The following CARS2 variants were observed in gnomAD, a reference collection of about 807,000 sequenced individuals.
CARS2 encodes the protein cysteinyl-tRNA synthetase 2, mitochondrial, also known as probable cysteine--tRNA ligase, mitochondrial.
Under a neutral mutation model 68.8 loss-of-function variants are expected in CARS2, and 52 were observed. That is an observed-to-expected ratio of 0.76 (90% confidence interval 0.61 to 0.95). The LOEUF (loss-of-function observed/expected upper bound fraction) is 0.95. Among genes scored for constraint, CARS2 ranks in the 40% least tolerant of loss-of-function variants. CARS2 has a pLI of 0.00. For synonymous variants in CARS2, 314 were observed against 303.6 expected (o/e 1.03, Z -0.36); for missense variants, 780 against 754.2 (o/e 1.03, Z -0.40).
rs543403665 is a variant in CARS2 at position 110,676,431 on chromosome 13, G to T, written c.785+543C>A. Among the ~76,000 whole-genome samples, 3 of 152,326 alleles carry T rather than the reference G, an allele frequency of 2.0e-5. No homozygotes were observed. Among genetic ancestry groups the T allele is most frequent in the East Asian group, 1.9e-4 (1 of 5,178 alleles). On this transcript the variant is annotated intron_variant, in intron 7 of 14. Transcript: ENST00000257347. The surrounding 1 kb of genome is among the most constrained non-coding windows in gnomAD (Gnocchi z 4.0). ...GGAGAGCAGTGTCGTGTGACTGAGT[G>T]GGGGCGGCAGGCAGCTGCGGTCCCA... is the stretch of plus-strand genomic sequence containing the variant.
At chr13:110,644,313 TAAA>T in intron 13 of CARS2, 69 bp downstream of exon 13, 1 of 1,468,434 alleles carries the variant, frequency 6.8e-7, no homozygotes, top group Admixed American at 1.7e-5. Flanking sequence ...TATTCCAAGT[TAAA>T]AGGGTAAAGG....
intron 1 of CARS2, chr13:110,713,040 T>G (rs2064053875): frequency 6.8e-7 from 1 of 1,478,134 alleles, no homozygotes; most frequent in Non-Finnish European, 9.0e-7. Context: ...CCAGTGCGCA[T>G]GCGCCGCCAC....
rs762847360 is a variant in CARS2 at position 110,676,965 on chromosome 13, G to C, written c.785+9C>G. ...AGCCCCAACCCCCAGGAAGCGGCAGGCACCTTACCTAGCGATGGCAGAGCA... is the reference window on the plus strand; with the variant it reads ...AGCCCCAACCCCCAGGAAGCGGCAGCCACCTTACCTAGCGATGGCAGAGCA... On this transcript the variant is annotated intron_variant, in intron 7 of 14. Transcript: ENST00000257347. This position sits in a 1 kb window ranked among gnomAD's most constrained non-coding sequence, Gnocchi z 4.0. 6.5e-7 allele frequency: 1 copy of C among 1,540,566 alleles called. No individual in the cohort carries two copies. The highest frequency in any genetic ancestry group is 1.2e-5 in the South Asian group (1 of 83,160).
chr13:110,711,373 C>G (rs1395553002), upstream of CARS2, among the ~76,000 whole-genome samples: 6 of 152,302 alleles, frequency 3.9e-5, no homozygotes, highest in East Asian at 1.2e-3. Flanking sequence ...CCACCATGCC[C>G]TGCTAATTTT....
rs961290100 is a variant in CARS2, at chr13:110,653,791, T to A, written c.988-2691A>T. Among the ~76,000 whole-genome samples, 1 of 152,172 alleles carries A rather than the reference T, an allele frequency of 6.6e-6. No individual in the cohort carries two copies. The highest frequency in any genetic ancestry group is 6.5e-5 in the Admixed American group (1 of 15,280). On this transcript the variant is annotated intron_variant, in intron 9 of 14. Coordinates refer to ENST00000257347, the MANE Select transcript of CARS2 (RefSeq NM_024537.4). This position sits in a 1 kb window ranked among gnomAD's most constrained non-coding sequence, Gnocchi z 5.6. ...ACTAAAGGAGAAACATATTATAACT[T>A]CTTCATTACACAGTATTCTGACAAT...
In CARS2 at chr13:110,653,838, T is replaced by C. The variant is rs1250680230; in HGVS notation, c.988-2738A>G. On this transcript the variant is annotated intron_variant, in intron 9 of 14. Coordinates refer to ENST00000257347, the MANE Select transcript of CARS2 (RefSeq NM_024537.4). The surrounding 1 kb of genome is among the most constrained non-coding windows in gnomAD (Gnocchi z 5.6). ...CAATGATGTGAAAACTCTTGAATAC[T>C]GTGGGTGCACACGGACATTAATTTT... is the stretch of plus-strand genomic sequence containing the variant. Among the ~76,000 whole-genome samples, 1 of 152,248 alleles carries C rather than the reference T, an allele frequency of 6.6e-6. No homozygotes were observed. Among genetic ancestry groups the C allele is most frequent in the East Asian group, 1.9e-4 (1 of 5,204 alleles).
upstream of CARS2, among the ~76,000 whole-genome samples, chr13:110,711,129 G>GT (rs2064023248): frequency 6.6e-6 from 1 of 152,146 alleles, no homozygotes. Context: ...AGGGAAAGGC[G>GT]TAATTTTCCT....
chr13:110,645,618 G>T, intron 12 of CARS2: 1 of 204,656 alleles, frequency 4.9e-6, no homozygotes, highest in South Asian at 1.2e-4. Context: ...GGGGTAAATG[G>T]GTCTTTCCTT....
At chr13:110,706,559 T>C (rs1169465228), upstream of CARS2, 1 of 152,944 alleles carries the variant, frequency 6.5e-6, no homozygotes, top group Non-Finnish European at 1.5e-5. Flanking sequence ...TAATACACAG[T>C]GTCCACCCCA....
At position 110,665,543 on chromosome 13, in the gene CARS2, G is replaced by A. The variant is rs998400607; in HGVS notation, c.919+1797C>T. On this transcript the variant is annotated intron_variant, in intron 8 of 14. Transcript: ENST00000257347. The surrounding 1 kb of genome is among the most constrained non-coding windows in gnomAD (Gnocchi z 4.3). ...TCCTCATTACCTGACAGGACGAAGC[G>A]TTGGCACAGCTAAGGCTGCCCTTCT... The A allele has an allele frequency of 3.5e-5, 34 of 985,344 alleles. No individual in the cohort carries two copies. In the South Asian group the frequency reaches 1.2e-3, roughly 34 times the overall value. The allele number at this position is 985,344 out of a possible 1,614,324, so 61.0% of individuals were successfully genotyped here. A position where few individuals can be genotyped will look rare whatever the true frequency, so the allele number is the denominator to read the frequency against.
At chr13:110,646,641 T>G (rs1423887107) in intron 11 of CARS2, 6 of 164,064 alleles carry the variant, frequency 3.7e-5, no homozygotes, top group Non-Finnish European at 5.3e-5. Context: ...CCTGTGTGTT[T>G]TATAGATTTT....
chr13:110,648,610 A>T (rs381835), intron 10 of CARS2: 65,059 of 152,026 alleles, frequency 0.43, 15,118 homozygotes, highest in African/African-American at 0.6. Context: ...CAGCTCCTCA[A>T]GGCCACCTCC....
chr13:110,663,926 G>A, intron 8 of CARS2: 1 of 998,966 alleles, frequency 1.0e-6, no homozygotes. Context: ...ACTTGGCGGT[G>A]AAGCTTGTTG....
At chr13:110,693,450 C>T (rs2063533132) in intron 3 of CARS2, among the ~76,000 whole-genome samples, 1 of 152,076 alleles carries the variant, frequency 6.6e-6, no homozygotes, top group African/African-American at 2.4e-5. Context: ...AGCTCTGCCA[C>T]CCAGGTTCAC....
At chr13:110,701,213 G>A (rs529872155) in intron 3 of CARS2, 72 of 332,338 alleles carry the variant, frequency 2.2e-4, no homozygotes, top group Non-Finnish European at 3.0e-4. Context: ...ACAGGAGCCC[G>A]CCACCACACC....
chr13:110,688,467 T>G (rs935424787), intron 3 of CARS2, among the ~76,000 whole-genome samples: 2 of 151,590 alleles, frequency 1.3e-5, no homozygotes, highest in Non-Finnish European at 2.9e-5. Context: ...AAAATAAAAA[T>G]AAAGTAAAAT....
At chr13:110,682,227 A>G (rs1369497212) in intron 6 of CARS2, among the ~76,000 whole-genome samples, 1 of 152,236 alleles carries the variant, frequency 6.6e-6, no homozygotes, top group East Asian at 1.9e-4. Context: ...AATAATTTTA[A>G]AAAACCTTCC....
intron 3 of CARS2, among the ~76,000 whole-genome samples, chr13:110,695,168 G>C (rs1385851837): frequency 6.6e-6 from 1 of 152,070 alleles, no homozygotes; most frequent in Admixed American, 6.6e-5. Flanking sequence ...TGTGGTCCCC[G>C]CTACTCTGGA....
upstream of CARS2, among the ~76,000 whole-genome samples, chr13:110,709,167 C>T (rs1359093415): frequency 6.6e-6 from 1 of 151,262 alleles, no homozygotes; most frequent in Non-Finnish European, 1.5e-5. Context: ...AAGCGATTCT[C>T]CTGCCTCTTT....
Sources: allele counts gnomAD v4.1 joint callset (sites outside exome capture counted in the v4.1 genomes callset), GRCh38; gene constraint gnomAD v4.1.1; non-coding constraint Gnocchi (gnomAD v3.1); transcripts MANE v1.5; gene names NCBI Gene and HGNC (gene_info 2026-07-23, HGNC 2026-07-21).